Variants in ADAMTSL1 observed in about 807,000 individuals in gnomAD.
ADAMTSL1 encodes the protein ADAMTS-like protein 1.
ADAMTSL1 carries 126 observed loss-of-function variants against 201.8 expected under a neutral mutation model. The ratio of observed to expected loss-of-function variants is 0.62; its 90% CI spans 0.54 to 0.72. ADAMTSL1 has a LOEUF of 0.72. ADAMTSL1 is among the 30% of genes least tolerant of loss of function. The pLI is 0.00. For synonymous variants in ADAMTSL1, 1,121 were observed against 903.4 expected (o/e 1.24, Z -4.32); for missense variants, 2,679 against 2,277.8 (o/e 1.18, Z -3.59).
chr9:18,907,218 C>G (rs1182049835), intron 28 of ADAMTSL1: 7 of 398,770 alleles, frequency 1.8e-5, no homozygotes, highest in Non-Finnish European at 2.7e-5. Flanking sequence ...CTGGCTGGTG[C>G]CCACAGGGTC....
intron 2 of ADAMTSL1, among the ~76,000 whole-genome samples, chr9:18,407,773 A>G (rs1008973525): frequency 6.6e-6 from 1 of 152,206 alleles, no homozygotes; most frequent in Admixed American, 6.5e-5. Flanking sequence ...AGTAAGTATT[A>G]TCTCACCTTT....
intron 15 of ADAMTSL1, among the ~76,000 whole-genome samples, chr9:18,724,636 C>T (rs944014331): frequency 9.9e-5 from 15 of 152,116 alleles, no homozygotes; most frequent in Non-Finnish European, 2.1e-4. Context: ...CTGAATCCTC[C>T]TTTCTATATT....
At chr9:18,258,394 G>T (rs144196322) in intron 2 of ADAMTSL1, among the ~76,000 whole-genome samples, 2 of 152,192 alleles carry the variant, frequency 1.3e-5, no homozygotes, top group East Asian at 1.9e-4. Flanking sequence ...GGAGAAAGAG[G>T]GTTCTGAGCC....
At chr9:18,123,856 A>G (rs952601163) in intron 1 of ADAMTSL1, among the ~76,000 whole-genome samples, 1 of 152,164 alleles carries the variant, frequency 6.6e-6, no homozygotes, top group Non-Finnish European at 1.5e-5. Context: ...TCATATAATT[A>G]AAGAAAAACT....
At chr9:18,499,573 T>G (rs1367062568) in intron 1 of ADAMTSL1, among the ~76,000 whole-genome samples, 1 of 152,218 alleles carries the variant, frequency 6.6e-6, no homozygotes, top group African/African-American at 2.4e-5. Context: ...GAAAAATGGT[T>G]CTCTCATCAC....
intron 1 of ADAMTSL1, among the ~76,000 whole-genome samples, chr9:18,043,162 A>T (rs1821504067): frequency 6.6e-6 from 1 of 152,138 alleles, no homozygotes; most frequent in Non-Finnish European, 1.5e-5. Flanking sequence ...GTGTATATTT[A>T]TATGCCCCAC....
chr9:17,940,829 T>G (rs1313040498), intron 1 of ADAMTSL1, among the ~76,000 whole-genome samples: 3 of 24,860 alleles, frequency 1.2e-4, no homozygotes, highest in Non-Finnish European at 1.6e-4. Context: ...AAGAAAGAAA[T>G]AACGACTCGT....
At chr9:18,001,024 A>T (rs1390707460) in intron 1 of ADAMTSL1, among the ~76,000 whole-genome samples, 1 of 152,014 alleles carries the variant, frequency 6.6e-6, no homozygotes, top group Non-Finnish European at 1.5e-5. Flanking sequence ...AGTTGGGGGA[A>T]GTTAGTTTCT....
intron 1 of ADAMTSL1, among the ~76,000 whole-genome samples, chr9:18,025,398 T>A (rs766929442): frequency 1.3e-5 from 2 of 152,152 alleles, no homozygotes; most frequent in Non-Finnish European, 2.9e-5. Context: ...CTCTTACATT[T>A]AAGTCTTTAA....
At chr9:18,484,302 T>G (rs1383601325) in intron 1 of ADAMTSL1, among the ~76,000 whole-genome samples, 3 of 152,236 alleles carry the variant, frequency 2.0e-5, no homozygotes, top group Non-Finnish European at 4.4e-5. Context: ...TGATATTATT[T>G]TCTTTAAACT....
chr9:18,254,206 C>G (rs1181529636), intron 2 of ADAMTSL1, among the ~76,000 whole-genome samples: 1 of 152,050 alleles, frequency 6.6e-6, no homozygotes, highest in Admixed American at 6.5e-5. Context: ...ATGAGATAAA[C>G]TCTATAAAAC....
chr9:18,518,594 G>C (rs1055902673), intron 2 of ADAMTSL1, among the ~76,000 whole-genome samples: 6 of 152,100 alleles, frequency 3.9e-5, no homozygotes, highest in Non-Finnish European at 8.8e-5. Flanking sequence ...ATTGTGAATA[G>C]TGCTGCAATA....
rs553763405 is a variant in ADAMTSL1, at chr9:18,190,027, G to A, written c.207+26046G>A. Among the ~76,000 whole-genome samples the A allele has an allele frequency of 7.2e-5, 11 of 152,290 alleles. No homozygotes were observed. The East Asian group carries it at 1.2e-3, about 16-fold the overall frequency. Reference sequence around the variant, plus strand: ...ATGAATCTATCTAGAACAAGAATGAGCCTGGTCAGGTTTCAAATGAAATGT... The same window carrying A: ...ATGAATCTATCTAGAACAAGAATGAACCTGGTCAGGTTTCAAATGAAATGT... On this transcript the variant is annotated intron_variant, in intron 2 of 29. Coordinates refer to the ADAMTSL1 transcript ENST00000680146.
In ADAMTSL1 at chr9:18,908,422, A is replaced by T. The variant is rs1335432086; in HGVS notation, c.5183-20A>T. On this transcript the variant is annotated intron_variant, in intron 28 of 28. Coordinates refer to ENST00000380548, the MANE Select transcript of ADAMTSL1 (RefSeq NM_001040272.6). Reference sequence around the variant, plus strand: ...CATCTCTTTTCTGTCTCCTCTCCCGACCCCGTCCTCCTTTCCCAGTGGAGT... The same window carrying T: ...CATCTCTTTTCTGTCTCCTCTCCCGTCCCCGTCCTCCTTTCCCAGTGGAGT... 6.5e-7 allele frequency: 1 copy of T among 1,546,280 alleles called. No homozygotes were observed. The highest frequency in any genetic ancestry group is 1.4e-5 in the African/African-American group (1 of 72,954).
intron 2 of ADAMTSL1, among the ~76,000 whole-genome samples, chr9:18,165,944 T>G (rs1054405802): frequency 6.6e-6 from 1 of 151,940 alleles, no homozygotes; most frequent in African/African-American, 2.4e-5. Flanking sequence ...GGAATTCCCT[T>G]TCTTGCCCCT....
At chr9:18,409,401 A>G (rs1021160725) in intron 2 of ADAMTSL1, among the ~76,000 whole-genome samples, 10 of 150,784 alleles carry the variant, frequency 6.6e-5, no homozygotes, top group South Asian at 2.1e-4. Context: ...AAAAAAAAAA[A>G]AAAGAAAAAG....
intron 2 of ADAMTSL1, among the ~76,000 whole-genome samples, chr9:18,394,920 G>C (rs1817689359): frequency 6.6e-6 from 1 of 152,208 alleles, no homozygotes; most frequent in African/African-American, 2.4e-5. Flanking sequence ...CAAATGGAAA[G>C]GCTGTGGAGA....
At chr9:17,948,171 T>G (rs953073654) in intron 1 of ADAMTSL1, among the ~76,000 whole-genome samples, 3 of 152,158 alleles carry the variant, frequency 2.0e-5, no homozygotes, top group Admixed American at 6.6e-5. Context: ...CATTGCAAAA[T>G]TACAAAGCAT....
chr9:18,484,245 C>G (rs929007645), intron 1 of ADAMTSL1, among the ~76,000 whole-genome samples: 2 of 152,180 alleles, frequency 1.3e-5, no homozygotes, highest in African/African-American at 4.8e-5. Flanking sequence ...GTGAGGAAGA[C>G]AGGAATTAAT....
Sources: allele counts gnomAD v4.1 joint callset (sites outside exome capture counted in the v4.1 genomes callset), GRCh38; gene constraint gnomAD v4.1.1; transcripts MANE v1.5; gene names NCBI Gene and HGNC (gene_info 2026-07-23, HGNC 2026-07-21).